The following PPP2CA variants were observed in gnomAD, a reference collection of about 807,000 sequenced individuals.
The protein encoded by PPP2CA is serine/threonine-protein phosphatase 2A catalytic subunit alpha isoform.
PPP2CA carries 5 observed loss-of-function variants against 38.8 expected under a neutral mutation model. The ratio of observed to expected loss-of-function variants is 0.13; its 90% CI spans 0.07 to 0.27. PPP2CA has a LOEUF of 0.27. Ranked by LOEUF, PPP2CA falls within the 10% of genes least tolerant of loss-of-function variation. The pLI is 1.00. For missense variants in PPP2CA, 88 were observed against 389.7 expected (o/e 0.23, Z 6.52); for synonymous variants, 152 against 134.0 (o/e 1.13, Z -0.93).
chr5:134,219,909 G>A (rs987827279), intron 1 of PPP2CA, among the ~76,000 whole-genome samples: 2 of 151,358 alleles, frequency 1.3e-5, no homozygotes, highest in Non-Finnish European at 2.9e-5. Flanking sequence ...TACTCAGGAG[G>A]CTGAGGCAGG....
intron 2 of PPP2CA, among the ~76,000 whole-genome samples, chr5:134,205,442 C>CGCA (rs1007371983): frequency 2.0e-5 from 3 of 150,750 alleles, no homozygotes; most frequent in African/African-American, 7.3e-5. Context: ...CGTGTAGTGG[C>CGCA]GCAATCTCAG....
At chr5:134,219,831 T>C (rs1762399512) in intron 1 of PPP2CA, among the ~76,000 whole-genome samples, 1 of 151,548 alleles carries the variant, frequency 6.6e-6, no homozygotes, top group African/African-American at 2.4e-5. Context: ...GCCAACATGA[T>C]GAAACCCTGT....
In PPP2CA at chr5:134,203,849, A is replaced by G. The variant is rs1372434383; in HGVS notation, c.313-1828T>C. Among the ~76,000 whole-genome samples the G allele has an allele frequency of 2.0e-5, 3 of 152,252 alleles. No individual in the cohort carries two copies. The East Asian group carries it at 5.8e-4, about 29-fold the overall frequency. On this transcript the variant is annotated intron_variant, in intron 2 of 6. Transcript: ENST00000481195. The stretch of plus-strand genomic sequence containing the variant: ...TCCCACCTCAGCCTCCAGAGTGGCT[A>G]GGACTACAGCACATGTCACCATGTC...
chr5:134,206,600 G>T (rs1417501266), intron 1 of PPP2CA, among the ~76,000 whole-genome samples: 2 of 152,068 alleles, frequency 1.3e-5, no homozygotes, highest in South Asian at 2.1e-4. Flanking sequence ...CTTGGCTCAG[G>T]AATCTTCCCA....
intron 5 of PPP2CA, among the ~76,000 whole-genome samples, chr5:134,199,974 G>A (rs1404120436): frequency 1.2e-4 from 19 of 152,002 alleles, no homozygotes; most frequent in Admixed American, 1.0e-3. Flanking sequence ...AAACATTTTC[G>A]TGTATTTCTT....
At chr5:134,220,477 A>AAAAAAAAAAT in intron 1 of PPP2CA, among the ~76,000 whole-genome samples, 1 of 150,124 alleles carries the variant, frequency 6.7e-6, no homozygotes, top group Non-Finnish European at 1.5e-5. Context: ...AAAAAAAAAA[A>AAAAAAAAAAT]AGCCCACAAA....
intron 6 of PPP2CA, among the ~76,000 whole-genome samples, chr5:134,198,130 C>T (rs929327752): frequency 2.6e-5 from 4 of 152,172 alleles, no homozygotes; most frequent in African/African-American, 9.7e-5. Context: ...GTGGCTCACG[C>T]CTGTAATCCC....
chr5:134,223,492 C>A (rs73788607), intron 1 of PPP2CA, among the ~76,000 whole-genome samples: 2,276 of 152,254 alleles, frequency 0.015, 48 homozygotes, highest in African/African-American at 0.052. Flanking sequence ...TGATATCCAC[C>A]AAAACGGATC....
At chr5:134,213,754 G>C (rs1762258742) in intron 1 of PPP2CA, among the ~76,000 whole-genome samples, 1 of 152,168 alleles carries the variant, frequency 6.6e-6, no homozygotes, top group Non-Finnish European at 1.5e-5. Flanking sequence ...CTGTACTTCA[G>C]CCTGGGCAAC....
chr5:134,208,727 T>C (rs1762137831), intron 1 of PPP2CA, among the ~76,000 whole-genome samples: 1 of 152,148 alleles, frequency 6.6e-6, no homozygotes, highest in Non-Finnish European at 1.5e-5. Flanking sequence ...AGTCGAAAAA[T>C]TGGGGAGTGT....
chr5:134,218,179 T>C (rs76623936), intron 1 of PPP2CA, among the ~76,000 whole-genome samples: 2,052 of 152,016 alleles, frequency 0.013, 28 homozygotes, highest in Non-Finnish European at 0.022. Flanking sequence ...ATTTCAATCT[T>C]CTTTGATTAA....
chr5:134,205,976 A>G lies in PPP2CA; in HGVS notation c.258T>C (p.Tyr86=), dbSNP rs1391499361. 36 of 1,614,060 alleles carry G rather than the reference A, an allele frequency of 2.2e-5. No homozygotes were observed. The highest frequency in any genetic ancestry group is 3.0e-5 in the Non-Finnish European group (35 of 1,180,026). ...PDTNYLFMGD[Y]VDRGYYSVET... ...CAACTGAATAATATCCTCTGTCAAC[A>G]TAATCTCCCATAAACAAGTAATTTG... The change falls in exon 2 of 7, where the codon TAT becomes TAC. Residue 86 remains tyrosine (Y), a synonymous_variant. Coordinates refer to ENST00000481195, the MANE Select transcript of PPP2CA (RefSeq NM_002715.4).
At chr5:134,206,442 T>C (rs143569947) in intron 1 of PPP2CA, among the ~76,000 whole-genome samples, 9 of 152,324 alleles carry the variant, frequency 5.9e-5, no homozygotes, top group Non-Finnish European at 1.0e-4. Context: ...AACAGGACAT[T>C]CAGGTATCTA....
chr5:134,202,138 T>C, intron 2 of PPP2CA, 117 bp from the exon 3 acceptor site: 6 of 1,009,328 alleles, frequency 5.9e-6, no homozygotes, highest in South Asian at 5.5e-5. Context: ...ACAGCACACA[T>C]CCTCATATCA....
At chr5:134,220,583 AG>A (rs1393991416) in intron 1 of PPP2CA, among the ~76,000 whole-genome samples, 1 of 152,086 alleles carries the variant, frequency 6.6e-6, no homozygotes, top group African/African-American at 2.4e-5. Context: ...ATGATAATGA[AG>A]TAAGAGAAAT....
chr5:134,210,521 G>A (rs1041081275), intron 1 of PPP2CA, among the ~76,000 whole-genome samples: 1 of 152,102 alleles, frequency 6.6e-6, no homozygotes, highest in Non-Finnish European at 1.5e-5. Context: ...TCAACATCTG[G>A]GAAAAAAATT....
chr5:134,218,833 T>A (rs928284890), intron 1 of PPP2CA, among the ~76,000 whole-genome samples: 1 of 152,044 alleles, frequency 6.6e-6, no homozygotes, highest in African/African-American at 2.4e-5. Context: ...CATGCCTGGC[T>A]AAATTTTTTG....
intron 1 of PPP2CA, among the ~76,000 whole-genome samples, chr5:134,212,546 A>G: frequency 6.6e-6 from 1 of 152,208 alleles, no homozygotes; most frequent in East Asian, 1.9e-4. Context: ...AATTAGGCCA[A>G]TTAATAACCC....
chr5:134,205,800 T>C (rs1762071316), intron 2 of PPP2CA, 122 bp downstream of exon 2: 1 of 807,834 alleles, frequency 1.2e-6, no homozygotes, highest in Non-Finnish European at 2.0e-6. Context: ...CCTGAACATA[T>C]GCATTCCTAA....
Sources: allele counts gnomAD v4.1 joint callset (sites outside exome capture counted in the v4.1 genomes callset), GRCh38; gene constraint gnomAD v4.1.1; transcripts MANE v1.5; gene names NCBI Gene and HGNC (gene_info 2026-07-23, HGNC 2026-07-21).